The following RCC2 variants were observed in gnomAD, a reference collection of about 807,000 sequenced individuals.
RCC2 encodes the protein regulator of chromosome condensation 2, also known as protein RCC2.
In RCC2, 19 loss-of-function variants were observed where a neutral mutation model predicts 64.1. The ratio of observed to expected loss-of-function variants is 0.30; its 90% confidence interval spans 0.21 to 0.44. RCC2 has a LOEUF of 0.44. RCC2 is among the 20% of genes least tolerant of loss of function. RCC2 has a pLI of 1.00. For missense variants in RCC2, 508 were observed against 710.4 expected (o/e 0.72, Z 3.24); for synonymous variants, 325 against 279.6 (o/e 1.16, Z -1.62).
At chr1:17,420,367 A>AT (rs1292085517) in intron 7 of RCC2, among the ~76,000 whole-genome samples, 1 of 152,200 alleles carries the variant, frequency 6.6e-6, no homozygotes, top group African/African-American at 2.4e-5. Flanking sequence ...TAATTTTCTC[A>AT]TTTTCAATAA....
At chr1:17,415,687 G>T (rs1557622986) in intron 8 of RCC2, among the ~76,000 whole-genome samples, 3 of 151,390 alleles carry the variant, frequency 2.0e-5, no homozygotes, top group African/African-American at 4.9e-5. Flanking sequence ...TCCAGCCTGG[G>T]TGAAAAAGTG....
chr1:17,437,564 A>G (rs1473258325), intron 2 of RCC2, among the ~76,000 whole-genome samples: 2 of 109,894 alleles, frequency 1.8e-5, no homozygotes, highest in East Asian at 5.3e-4. Flanking sequence ...TGGGGGGGCT[A>G]CAACAGAGCC....
rs141067273 is a variant in RCC2, at chr1:17,413,178, C to A, written c.1208G>T (p.Gly403Val). 6.0e-5 allele frequency: 96 copies of A among 1,608,198 alleles called. No homozygotes were observed. Among genetic ancestry groups the A allele is most frequent in the Non-Finnish European group, 7.9e-5 (93 of 1,175,034 alleles). The change falls in exon 10 of 13, where the codon GGT becomes GTT. Residue 403 changes from glycine to valine, a missense_variant and splice_region_variant. Physicochemically the swap from Gly to Val is moderately radical, Grantham distance 109. Around this residue, in one of 4 missense-constraint regions of RCC2, gnomAD observed 179 missense variants for 322.0 expected, o/e 0.56. Coordinates refer to ENST00000375436, the MANE Select transcript of RCC2 (RefSeq NM_018715.4). Reference protein sequence around the residue: ...YTCSFAVSEVGGLFFWGATNT... With the variant: ...YTCSFAVSEVVGLFFWGATNT... The stretch of plus-strand genomic sequence containing the variant: ...GGTGGCCCCCCAGAAAAACAGACCA[C>A]CTAAGGGAAGACAAAACATGTTCCC...
In RCC2 at chr1:17,408,834, G is replaced by T; in HGVS notation, c.*256C>A. The T allele has an allele frequency of 1.0e-5, 4 of 400,196 alleles. No individual in the cohort carries two copies. Among genetic ancestry groups the T allele is most frequent in the Non-Finnish European group, 8.9e-6 (2 of 223,728 alleles). 24.8% of individuals were successfully genotyped at this position (400,196 alleles called of 1,614,324 possible). ...ATTGCTCAAAGTTTCTGCCTCTTTT[G>T]TAGGAATGGTAAATCAACTATGAGC... On this transcript the variant is annotated 3_prime_UTR_variant, in exon 13 of 13. Coordinates refer to ENST00000375436, the MANE Select transcript of RCC2 (RefSeq NM_018715.4).
At chr1:17,413,290 A>G (rs2075446316) in intron 9 of RCC2, 112 bp from the exon 10 acceptor site, 4 of 912,852 alleles carry the variant, frequency 4.4e-6, no homozygotes, top group Non-Finnish European at 7.0e-6. Context: ...TGTTCTGTCT[A>G]AAAGATAACT....
chr1:17,439,367 A>C (rs1570220906), intron 1 of RCC2, among the ~76,000 whole-genome samples, 178 bp downstream of exon 1: 3 of 137,672 alleles, frequency 2.2e-5, no homozygotes, highest in Non-Finnish European at 1.5e-5. Flanking sequence ...GAACAATGGG[A>C]TCTCTGTCTG....
chr1:17,437,960 C>A (rs2075757298), intron 2 of RCC2, among the ~76,000 whole-genome samples: 1 of 146,186 alleles, frequency 6.8e-6, no homozygotes, highest in African/African-American at 2.5e-5. Flanking sequence ...TCGGCCGCCC[C>A]TCCCCCGCCG....
At chr1:17,437,998 A>T (rs2075757808) in intron 2 of RCC2, among the ~76,000 whole-genome samples, 1 of 141,484 alleles carries the variant, frequency 7.1e-6, no homozygotes, top group African/African-American at 2.6e-5. Context: ...CCCAACCGCC[A>T]ACCGCCCGCG....
At position 17,422,798 on chromosome 1, in the gene RCC2, T is replaced by C. The variant is rs1392115033; in HGVS notation, c.562A>G (p.Lys188Glu). 5.0e-6 allele frequency: 8 copies of C among 1,614,068 alleles called. No individual in the cohort carries two copies. The highest frequency in any genetic ancestry group is 6.8e-6 in the Non-Finnish European group (8 of 1,180,036). ...EKGQLGHGDT[K>E]RVEAPRLIEG... ...ATGAGTCTAGGGGCTTCTACTCTCT[T>C]GGTGTCACCATGTCCCAGCTGCCCC... The change falls in exon 5 of 13, where the codon AAG (lysine) becomes GAG (glutamate). Residue 188 changes from lysine (K) to glutamate (E), a missense_variant. Around this residue, in one of 4 missense-constraint regions of RCC2, gnomAD observed 132 missense variants for 207.3 expected, o/e 0.64. Transcript: ENST00000375436.
chr1:17,437,253 T>C (rs1019519029), intron 2 of RCC2, among the ~76,000 whole-genome samples: 5 of 152,308 alleles, frequency 3.3e-5, no homozygotes, highest in East Asian at 3.9e-4. Flanking sequence ...TGGGCACTTA[T>C]GGAAGGAAAA....
rs544910613 is a variant in RCC2 at position 17,438,330 on chromosome 1, G to A, written c.185C>T (p.Ala62Val). 439 of 1,246,382 alleles carry A rather than the reference G, an allele frequency of 3.5e-4. 5 individuals carry two copies. The Middle Eastern group carries it at 4.8e-3, about 14-fold the overall frequency. 77.2% of individuals were successfully genotyped at this position (1,246,382 alleles called of 1,614,324 possible). The change falls in exon 2 of 13, where the codon GCC (alanine) becomes GTC (valine). Residue 62 changes from alanine to valine, a missense_variant. Around this residue, in one of 4 missense-constraint regions of RCC2, gnomAD observed 195 missense variants for 158.3 expected, o/e 1.23. Coordinates refer to ENST00000375436, the MANE Select transcript of RCC2 (RefSeq NM_018715.4). ...GDEDGLELDG[A>V]PGGGKRAARP... is the part of the protein sequence containing the mutation. Reference sequence around the variant, plus strand: ...CGCCGCGCGCTTGCCCCCGCCGGGGGCCCCGTCGAGCTCCAGGCCGTCCTC... The same window carrying A: ...CGCCGCGCGCTTGCCCCCGCCGGGGACCCCGTCGAGCTCCAGGCCGTCCTC...
intron 2 of RCC2, among the ~76,000 whole-genome samples, chr1:17,437,597 G>C (rs938299492): frequency 4.7e-4 from 4 of 8,574 alleles, no homozygotes; most frequent in Non-Finnish European, 1.1e-3. Context: ...CTGCAGCTTC[G>C]GACCACCGGC....
intron 2 of RCC2, among the ~76,000 whole-genome samples, chr1:17,437,129 T>C (rs1045812438): frequency 4.6e-5 from 7 of 152,262 alleles, no homozygotes; most frequent in Non-Finnish European, 1.0e-4. Context: ...CCTCGAATTC[T>C]GTGCCCCAGT....
intron 2 of RCC2, among the ~76,000 whole-genome samples, chr1:17,431,341 A>AT (rs2075673880): frequency 1.9e-5 from 1 of 52,760 alleles, no homozygotes; most frequent in Admixed American, 2.4e-4. Context: ...CTCAAAAAAA[A>AT]AAAAAAAAAA....
In RCC2 at chr1:17,413,173, G is replaced by T. The variant is rs1388054895; in HGVS notation, c.1213C>A (p.Leu405Met). 6.2e-7 allele frequency: 1 copy of T among 1,611,178 alleles called. No homozygotes were observed. Among genetic ancestry groups the T allele is most frequent in the Non-Finnish European group, 8.5e-7 (1 of 1,177,492 alleles). The part of the protein sequence containing the change: ...CSFAVSEVGG[L>M]FFWGATNTSR... ...GTGTTGGTGGCCCCCCAGAAAAACA[G>T]ACCACCTAAGGGAAGACAAAACATG... The change falls in exon 10 of 13, where the codon CTG becomes ATG. Residue 405 changes from leucine (L) to methionine (M), a missense_variant. This residue lies in a region of RCC2 where 179 missense variants were observed against 322.0 expected (regional missense o/e 0.56). Coordinates refer to ENST00000375436, the MANE Select transcript of RCC2 (RefSeq NM_018715.4).
intron 2 of RCC2, among the ~76,000 whole-genome samples, chr1:17,435,401 C>T (rs563706473): frequency 5.3e-5 from 8 of 152,320 alleles, no homozygotes; most frequent in Admixed American, 1.3e-4. Context: ...CAACCCTGAG[C>T]GGGGCAAGGC....
intron 3 of RCC2, among the ~76,000 whole-genome samples, chr1:17,427,221 G>T (rs185374693): frequency 7.2e-5 from 11 of 152,194 alleles, no homozygotes; most frequent in African/African-American, 2.2e-4. Flanking sequence ...TGCCTAGAAA[G>T]TATCTGTGAA....
At chr1:17,411,357 A>T (rs2075422477) in intron 11 of RCC2, among the ~76,000 whole-genome samples, 1 of 152,100 alleles carries the variant, frequency 6.6e-6, no homozygotes, top group South Asian at 2.1e-4. Flanking sequence ...CGGGTGGATC[A>T]CCTAAGGTCA....
chr1:17,412,314 G>C, intron 10 of RCC2, 120 bp from the exon 11 acceptor site: 1 of 821,798 alleles, frequency 1.2e-6, no homozygotes, highest in East Asian at 2.6e-5. Flanking sequence ...ATTCCAAGTA[G>C]CAAACACAAT....
Sources: gnomAD v4.1 joint callset for allele counts (sites outside exome capture counted in the v4.1 genomes callset) on GRCh38, gnomAD v4.1.1 for gene constraint, gnomAD v4.1.1 regional missense constraint, MANE v1.5 for transcripts, NCBI Gene and HGNC (gene_info 2026-07-23, HGNC 2026-07-21) for gene names.